The following EPB41 variants were observed in gnomAD, a reference collection of about 807,000 sequenced individuals.
The protein encoded by EPB41 is erythrocyte membrane protein band 4.1.
A neutral mutation model predicts 108.0 loss-of-function variants in EPB41; 65 were observed. The ratio of observed to expected loss-of-function variants is 0.60; its 90% CI spans 0.49 to 0.74. The LOEUF is 0.74. EPB41 is among the 30% of genes least tolerant of loss of function. EPB41 has a pLI of 0.00. For synonymous variants in EPB41, 336 were observed against 358.9 expected, an observed-to-expected ratio of 0.94 and a Z score of 0.72; for missense variants, 875 against 1,037.0, an observed-to-expected ratio of 0.84 and a Z score of 2.15.
At chr1:28,919,855 G>A (rs1032522578) in intron 1 of EPB41, among the ~76,000 whole-genome samples, 3 of 152,110 alleles carry the variant, frequency 2.0e-5, no homozygotes, top group Non-Finnish European at 4.4e-5. Context: ...TTGCAATTAA[G>A]AGCAGTTCTC....
At chr1:28,981,902 A>C (rs1263111120) in intron 1 of EPB41, among the ~76,000 whole-genome samples, 1 of 146,856 alleles carries the variant, frequency 6.8e-6, no homozygotes, top group Non-Finnish European at 1.5e-5. Context: ...TTTAAATTTT[A>C]TTATTATTAT....
intron 4 of EPB41, among the ~76,000 whole-genome samples, chr1:29,007,228 T>G (rs1005283062): frequency 6.6e-6 from 1 of 152,088 alleles, no homozygotes; most frequent in African/African-American, 2.4e-5. Context: ...GCCTCGTTAC[T>G]GTATAATATA....
At position 28,974,880 on chromosome 1, in the gene EPB41, C is replaced by T. The variant is rs147080779; in HGVS notation, c.-7-12551C>T. 7.2e-3 allele frequency among the ~76,000 whole-genome samples: 1,089 copies of T among 151,966 alleles called. 14 individuals are homozygous for T. The highest frequency in any genetic ancestry group is 0.023 in the African/African-American group (937 of 41,458). On this transcript the variant is annotated intron_variant, in intron 1 of 20. Coordinates refer to ENST00000343067, the MANE Select transcript of EPB41 (RefSeq NM_001376013.1). ...CGTGATCTTGGCTCACTGCAACCTC[C>T]GCCTCCCGGGTTCAAGAGATTCTCC... is the stretch of plus-strand genomic sequence containing the variant.
Position 28,987,551 on chromosome 1 carries a change from T to C in EPB41, c.114T>C (p.Ser38=). 1 of 1,614,114 alleles carries C rather than the reference T, an allele frequency of 6.2e-7. No homozygotes were observed. Among genetic ancestry groups the C allele is most frequent in the East Asian group, 2.2e-5 (1 of 44,874 alleles). Residue 38 remains serine (S), a synonymous_variant, in exon 2 of 21, where the codon TCT becomes TCC. Transcript: ENST00000343067. ...AACAAGAACCTCAGCAGGAGGAATC[T>C]TGTCAAACAGCAGCTGAAGGAGATA... ...SGQQEPQQEE[S]CQTAAEGDNW... is the part of the protein sequence containing the mutation.
At chr1:29,074,783 C>G (rs560577922) in intron 16 of EPB41, among the ~76,000 whole-genome samples, 5 of 152,272 alleles carry the variant, frequency 3.3e-5, no homozygotes, top group South Asian at 2.1e-4. Flanking sequence ...GAAATGCAGG[C>G]TAAAAGCCAA....
chr1:29,022,311 C>A (rs1387919030), intron 7 of EPB41, among the ~76,000 whole-genome samples: 3 of 140,342 alleles, frequency 2.1e-5, no homozygotes, highest in Admixed American at 7.4e-5. Flanking sequence ...ACAAAAAGTT[C>A]ATTGATAAGT....
chr1:29,069,552 G>T, intron 16 of EPB41: 1 of 799,450 alleles, frequency 1.3e-6, no homozygotes, highest in Non-Finnish European at 1.6e-6. Context: ...TTTTATTTCT[G>T]GAGCAAAAAC....
chr1:28,938,690 G>T (rs1482965042), intron 1 of EPB41, among the ~76,000 whole-genome samples: 1 of 151,832 alleles, frequency 6.6e-6, no homozygotes. Context: ...ATGTCACCAC[G>T]CCTGGCTAAT....
intron 12 of EPB41, 124 bp downstream of exon 12, chr1:29,053,436 C>A: frequency 9.6e-7 from 1 of 1,036,654 alleles, no homozygotes; most frequent in South Asian, 1.4e-5. Flanking sequence ...ATTCTTCATT[C>A]TTTCTAAATG....
intron 16 of EPB41, among the ~76,000 whole-genome samples, chr1:29,076,813 C>T (rs2151187581): frequency 6.6e-6 from 1 of 152,180 alleles, no homozygotes; most frequent in East Asian, 1.9e-4. Flanking sequence ...GAGGTTGAGG[C>T]AGGGGATTGC....
chr1:29,052,914 T>C (rs976996776), intron 11 of EPB41, among the ~76,000 whole-genome samples, 190 bp from the exon 12 acceptor site: 11 of 152,236 alleles, frequency 7.2e-5, no homozygotes, highest in African/African-American at 2.7e-4. Flanking sequence ...AGGGTACATT[T>C]AACTTCCTTG....
At chr1:29,106,645 C>T (rs1667286232) in intron 17 of EPB41, among the ~76,000 whole-genome samples, 1 of 132,606 alleles carries the variant, frequency 7.5e-6, no homozygotes, top group African/African-American at 2.8e-5. Flanking sequence ...ACAATCTTGG[C>T]TCACTGCAAC....
At chr1:29,085,333 T>TG (rs1169593409) in intron 16 of EPB41, among the ~76,000 whole-genome samples, 1 of 151,736 alleles carries the variant, frequency 6.6e-6, no homozygotes, top group Non-Finnish European at 1.5e-5. Flanking sequence ...TTAGTGGAGA[T>TG]GGGGTTTCAC....
chr1:28,937,940 A>G (rs1436330666), intron 1 of EPB41, among the ~76,000 whole-genome samples: 1 of 152,190 alleles, frequency 6.6e-6, no homozygotes, highest in Non-Finnish European at 1.5e-5. Flanking sequence ...TCCCAGCATT[A>G]TATGTTGAAA....
intron 17 of EPB41, among the ~76,000 whole-genome samples, chr1:29,102,964 G>A (rs1249325217): frequency 6.6e-6 from 1 of 152,036 alleles, no homozygotes; most frequent in Non-Finnish European, 1.5e-5. Context: ...GTAGAGACGG[G>A]GTTTCACCAT....
At chr1:29,062,527 A>G (rs1223813661) in intron 15 of EPB41, among the ~76,000 whole-genome samples, 1 of 152,196 alleles carries the variant, frequency 6.6e-6, no homozygotes, top group Admixed American at 6.5e-5. Flanking sequence ...TTGCTGCTAA[A>G]ATTATGAAGT....
intron 1 of EPB41, chr1:28,985,824 T>C (rs1007508893): frequency 6.6e-6 from 1 of 152,228 alleles, no homozygotes; most frequent in South Asian, 2.1e-4. Context: ...TTTTTTTTTT[T>C]ATTTTAAAAT....
At chr1:28,907,462 C>A (rs532656639) in intron 1 of EPB41, among the ~76,000 whole-genome samples, 3 of 151,946 alleles carry the variant, frequency 2.0e-5, no homozygotes, top group Non-Finnish European at 4.4e-5. Context: ...CCTCCCAAAG[C>A]GCTGGGATTA....
At chr1:28,929,321 G>A (rs2093612219) in intron 1 of EPB41, among the ~76,000 whole-genome samples, 1 of 151,582 alleles carries the variant, frequency 6.6e-6, no homozygotes, top group African/African-American at 2.4e-5. Flanking sequence ...TGCCTCCCGG[G>A]TTCACGCCAT....
Sources: allele counts gnomAD v4.1 joint callset (sites outside exome capture counted in the v4.1 genomes callset), GRCh38; gene constraint gnomAD v4.1.1; transcripts MANE v1.5; gene names NCBI Gene and HGNC (gene_info 2026-07-23, HGNC 2026-07-21).